Variants in CYFIP1 observed in about 807,000 individuals in gnomAD.
CYFIP1 encodes the protein cytoplasmic FMR1 interacting protein 1, also known as cytoplasmic FMR1-interacting protein 1.
In CYFIP1, 58 loss-of-function variants were observed where a neutral mutation model predicts 163.5. That is an observed-to-expected ratio of 0.35 (90% CI 0.29 to 0.44). The LOEUF (loss-of-function observed/expected upper bound fraction) is 0.44. Ranked by LOEUF, CYFIP1 falls within the 20% of genes least tolerant of loss-of-function variation. The pLI is 1.00. For synonymous variants in CYFIP1, 663 were observed against 660.7 expected, an observed-to-expected ratio of 1.00 and a Z score of -0.05; for missense variants, 1,338 against 1,653.8, an observed-to-expected ratio of 0.81 and a Z score of 3.31.
At chr15:22,961,523 T>C (rs6606802) in intron 1 of CYFIP1, among the ~76,000 whole-genome samples, 150,687 of 152,220 alleles carry the variant, frequency 0.99, 74,591 homozygotes, top group Middle Eastern at 1. Flanking sequence ...GGACTACAGG[T>C]GTGCACCACC....
chr15:22,916,055 CGGTGGCCGGTCAA>C (rs1326035478), intron 16 of CYFIP1, among the ~76,000 whole-genome samples: 2 of 152,156 alleles, frequency 1.3e-5, no homozygotes, highest in Non-Finnish European at 2.9e-5. Flanking sequence ...GCGCACCCAC[CGGTGGCCGGTCAA>C]GGTGGCCGGG....
chr15:22,915,046 G>A, intron 16 of CYFIP1, 164 bp from the exon 17 acceptor site: 2 of 593,822 alleles, frequency 3.4e-6, no homozygotes, highest in Non-Finnish European at 5.6e-6. Context: ...CTTGCACTAG[G>A]GACAGGACCA....
At chr15:22,971,000 C>T (rs1032645841) in intron 1 of CYFIP1, among the ~76,000 whole-genome samples, 17 of 152,062 alleles carry the variant, frequency 1.1e-4, no homozygotes, top group Middle Eastern at 3.4e-3. Flanking sequence ...CGCTTGAACC[C>T]GGGAGGCGGA....
chr15:22,896,507 G>GTTTTTTTCATCA (rs1555402018), intron 22 of CYFIP1, among the ~76,000 whole-genome samples: 1 of 151,598 alleles, frequency 6.6e-6, no homozygotes, highest in Non-Finnish European at 1.5e-5. Context: ...GGCCCTTCTC[G>GTTTTTTTCATCA]TTTTTTTCAT....
At chr15:22,900,399 CTTTTT>C (rs35697922) in intron 22 of CYFIP1, among the ~76,000 whole-genome samples, 1 of 135,062 alleles carries the variant, frequency 7.4e-6, no homozygotes, top group Non-Finnish European at 1.6e-5. Flanking sequence ...AATTTCTGTT[CTTTTT>C]TTTTTTTTTT....
chr15:22,907,628 C>CA (rs1418432874), intron 21 of CYFIP1, among the ~76,000 whole-genome samples: 1 of 152,232 alleles, frequency 6.6e-6, no homozygotes. Flanking sequence ...GACGTGTGGC[C>CA]ATGCACCAAT....
intron 11 of CYFIP1, 71 bp from the exon 12 acceptor site, chr15:22,928,099 C>A: frequency 2.1e-6 from 3 of 1,411,140 alleles, no homozygotes; most frequent in Non-Finnish European, 2.8e-6. Context: ...CGGGATCCAC[C>A]ATGAGAATCC....
intron 1 of CYFIP1, chr15:22,951,549 C>T (rs1396018286): frequency 7.8e-7 from 1 of 1,287,322 alleles, no homozygotes; most frequent in African/African-American, 1.5e-5. Flanking sequence ...CGACTCCAGC[C>T]CAGAGTCCCG....
chr15:22,937,563 C>T (rs1383495616), intron 8 of CYFIP1, among the ~76,000 whole-genome samples: 1 of 151,560 alleles, frequency 6.6e-6, no homozygotes, highest in Non-Finnish European at 1.5e-5. Context: ...CACATGTAAC[C>T]AGTTAAGTTT....
At chr15:22,976,582 G>A (rs903423096) in intron 1 of CYFIP1, among the ~76,000 whole-genome samples, 1 of 130,674 alleles carries the variant, frequency 7.7e-6, no homozygotes, top group Non-Finnish European at 1.8e-5. Context: ...AAATAGGTGA[G>A]TGCATACAAA....
chr15:22,904,587 T>C (rs997513398), intron 21 of CYFIP1: 3 of 152,340 alleles, frequency 2.0e-5, no homozygotes, highest in African/African-American at 7.2e-5. Flanking sequence ...AGTATGTTAT[T>C]AAAAATAACT....
chr15:22,882,371 C>T (rs531743569), intron 24 of CYFIP1, among the ~76,000 whole-genome samples: 2 of 152,228 alleles, frequency 1.3e-5, no homozygotes, highest in Non-Finnish European at 2.9e-5. Flanking sequence ...GGACAGAGTC[C>T]CCAGCGGGTC....
At chr15:22,913,937 G>C (rs8040477) in intron 17 of CYFIP1, among the ~76,000 whole-genome samples, 21,358 of 152,224 alleles carry the variant, frequency 0.14, 1,525 homozygotes, top group East Asian at 0.21. Flanking sequence ...GACGCACAAG[G>C]AACTCAGGGG....
intron 1 of CYFIP1, chr15:22,948,110 AG>A (rs933337386): frequency 1.1e-4 from 45 of 422,240 alleles, no homozygotes; most frequent in African/African-American, 9.4e-4. Flanking sequence ...GCACTGGCGC[AG>A]GCATGGAGGT....
At chr15:22,932,376 G>A in intron 10 of CYFIP1, 36 bp from the exon 11 acceptor site, 1 of 1,468,114 alleles carries the variant, frequency 6.8e-7, no homozygotes. Context: ...TACCTGCGGA[G>A]GCGCCGGCAG....
chr15:22,977,533 C>T (rs1364456081), intron 1 of CYFIP1, among the ~76,000 whole-genome samples: 1 of 152,078 alleles, frequency 6.6e-6, no homozygotes, highest in Non-Finnish European at 1.5e-5. Flanking sequence ...AAACTTCACA[C>T]TATAAAATAT....
At chr15:22,931,573 TC>T (rs1478751889) in intron 11 of CYFIP1, among the ~76,000 whole-genome samples, 15 of 149,314 alleles carry the variant, frequency 1.0e-4, no homozygotes, top group Non-Finnish European at 1.5e-5. Context: ...CTCCCTTCTC[TC>T]CAACCATCTT....
chr15:22,868,961 T>C lies in CYFIP1; in HGVS notation c.*1067A>G, dbSNP rs937192014. The C allele has an allele frequency of 5.9e-5, 9 of 152,160 alleles. No homozygotes were observed. The highest frequency in any genetic ancestry group is 2.1e-4 in the South Asian group (1 of 4,832). The allele number at this position is 152,160 out of a possible 1,614,324, so 9.4% of individuals were successfully genotyped here. A position where few individuals can be genotyped will look rare whatever the true frequency, so the allele number is the denominator to read the frequency against. ...GTTAGTTAGGATTTTCAGAACCTCA[T>C]TGCCTTAGTACTTTTTAAAATATGG... On this transcript the variant is annotated 3_prime_UTR_variant, in exon 31 of 31. Transcript: ENST00000617928.
chr15:22,915,127 T>C (rs2142091775), intron 16 of CYFIP1: 1 of 370,348 alleles, frequency 2.7e-6, no homozygotes, highest in African/African-American at 2.6e-5. Flanking sequence ...AGGGGGAAAG[T>C]GTCTTTTTTT....
Sources: gnomAD v4.1 joint callset for allele counts (sites outside exome capture counted in the v4.1 genomes callset) on GRCh38, gnomAD v4.1.1 for gene constraint, MANE v1.5 for transcripts, NCBI Gene and HGNC (gene_info 2026-07-23, HGNC 2026-07-21) for gene names.